MLXIPL: variants seen among roughly 807,000 people sequenced by gnomAD.
The protein encoded by MLXIPL is MLX interacting protein like.
A neutral mutation model predicts 81.5 loss-of-function variants in MLXIPL; 49 were observed. The observed-to-expected ratio is 0.60, with a 90% CI of 0.48 to 0.76. The LOEUF (loss-of-function observed/expected upper bound fraction) is 0.76. MLXIPL is among the 30% of genes least tolerant of loss of function. The probability of loss-of-function intolerance (pLI) is 0.00; values close to 1 mark genes in which losing one functional copy is unlikely to be tolerated. For synonymous variants in MLXIPL, 466 were observed against 485.5 expected (o/e 0.96, Z 0.53); for missense variants, 1,053 against 1,167.0 (o/e 0.90, Z 1.42).
At chr7:73,595,000 C>A (rs543760930) in intron 15 of MLXIPL, among the ~76,000 whole-genome samples, 1 of 152,224 alleles carries the variant, frequency 6.6e-6, no homozygotes, top group East Asian at 1.9e-4. Context: ...CACATGCCAC[C>A]ACGCTTGGCT....
chr7:73,596,670 T>C lies in MLXIPL; in HGVS notation c.1791A>G (p.Lys597=), dbSNP rs782530027. ...GCGCTGGGGGTGAGAGCCGCTCCGC[T>C]TTGGGGACAAGCAGGGGCCTGGAAG... ...LAPSRPLLVP[K]AERLSPPAPS... Residue 597 remains lysine, a synonymous_variant, in exon 11 of 17, where the codon AAA becomes AAG. Transcript: ENST00000313375. The surrounding 1 kb of genome is among the most constrained non-coding windows in gnomAD (Gnocchi z 4.7). 3.8e-6 allele frequency: 6 copies of C among 1,590,552 alleles called. No individual in the cohort carries two copies. In the East Asian group the frequency reaches 1.3e-4, roughly 36 times the overall value.
intron 2 of MLXIPL, among the ~76,000 whole-genome samples, chr7:73,612,458 T>C (rs1452219851): frequency 2.0e-5 from 3 of 151,882 alleles, no homozygotes; most frequent in Non-Finnish European, 2.9e-5. Context: ...CTGACCAACA[T>C]GGAGAAACCC....
upstream of MLXIPL, among the ~76,000 whole-genome samples, chr7:73,629,194 C>T (rs782216238): frequency 2.6e-5 from 4 of 152,056 alleles, no homozygotes; most frequent in Non-Finnish European, 5.9e-5. Context: ...AAGGGTGCAC[C>T]ACCACGCCTG....
At chr7:73,632,794 C>CCTTT in the MLXIPL span, among the ~76,000 whole-genome samples, 1 of 149,124 alleles carries the variant, frequency 6.7e-6, no homozygotes, top group African/African-American at 2.5e-5. Context: ...TTCCTTCCTT[C>CCTTT]CTTCCGACGG....
intron 2 of MLXIPL, among the ~76,000 whole-genome samples, chr7:73,613,120 C>G (rs7808877): frequency 0.27 from 41,742 of 151,996 alleles, 6,018 homozygotes; most frequent in African/African-American, 0.35. Flanking sequence ...GCCCTAAGGC[C>G]CGACATTAGT....
At chr7:73,599,832 C>G (rs572396759) in intron 7 of MLXIPL, 137 bp from the exon 8 acceptor site, 2 of 785,320 alleles carry the variant, frequency 2.5e-6, no homozygotes, top group African/African-American at 3.5e-5. Context: ...GGGGTCCCTT[C>G]CACAGAAGAT....
At chr7:73,600,156 G>A (rs1257168218) in intron 7 of MLXIPL, among the ~76,000 whole-genome samples, 17 of 151,694 alleles carry the variant, frequency 1.1e-4, no homozygotes, top group Non-Finnish European at 2.1e-4. Context: ...TCAAGAGGGT[G>A]AGTTGGAGAT....
At chr7:73,624,176 G>C (rs1292656720) in intron 1 of MLXIPL, 24 bp downstream of exon 1, 8 of 1,142,796 alleles carry the variant, frequency 7.0e-6, no homozygotes, top group Non-Finnish European at 9.4e-6. Flanking sequence ...AGCCAAGGCC[G>C]TCAGGGCCCG....
At chr7:73,617,092 C>T (rs1796050583) in intron 1 of MLXIPL, among the ~76,000 whole-genome samples, 2 of 152,012 alleles carry the variant, frequency 1.3e-5, no homozygotes, top group Non-Finnish European at 2.9e-5. Flanking sequence ...CTCAGCTCAC[C>T]ACAACCTCCA....
chr7:73,639,235 A>T, the MLXIPL span, among the ~76,000 whole-genome samples: 1 of 152,228 alleles, frequency 6.6e-6, no homozygotes, highest in African/African-American at 2.4e-5. Flanking sequence ...CCATTTTCCT[A>T]ATCTGTGGAT....
At chr7:73,612,369 G>A (rs539092793) in intron 2 of MLXIPL, among the ~76,000 whole-genome samples, 5 of 151,970 alleles carry the variant, frequency 3.3e-5, no homozygotes, top group South Asian at 4.2e-4. Context: ...GGCCAGGCGC[G>A]GTGGCTCACG....
chr7:73,603,942 G>A (rs1311618599), intron 7 of MLXIPL, among the ~76,000 whole-genome samples: 3 of 152,144 alleles, frequency 2.0e-5, no homozygotes, highest in African/African-American at 4.8e-5. Context: ...TAGGCCAGAC[G>A]CGGTAGCTCA....
At chr7:73,606,147 C>T in intron 5 of MLXIPL, 36 bp from the exon 6 acceptor site, 1 of 1,549,592 alleles carries the variant, frequency 6.5e-7, no homozygotes, top group East Asian at 2.4e-5. Context: ...CGCTAGAGAG[C>T]TCCCACTGCC....
upstream of MLXIPL, chr7:73,624,646 T>A (rs1482021735): frequency 3.0e-6 from 4 of 1,329,976 alleles, no homozygotes; most frequent in Non-Finnish European, 3.9e-6. Flanking sequence ...ATTAGCATAA[T>A]CCTTACGCCA....
At chr7:73,602,287 G>T (rs1794940764) in intron 7 of MLXIPL, among the ~76,000 whole-genome samples, 1 of 149,482 alleles carries the variant, frequency 6.7e-6, no homozygotes, top group Non-Finnish European at 1.5e-5. Flanking sequence ...CACGATCTCG[G>T]CTCACTGCAG....
At chr7:73,605,664 G>T (rs771546123) in intron 7 of MLXIPL, 24 bp downstream of exon 7, 47 of 1,612,150 alleles carry the variant, frequency 2.9e-5, no homozygotes, top group Non-Finnish European at 3.6e-5. Context: ...CCGTCCACCC[G>T]ACCTGGGGAG....
At chr7:73,645,406 TG>T in the MLXIPL span, among the ~76,000 whole-genome samples, 3 of 151,454 alleles carry the variant, frequency 2.0e-5, no homozygotes, top group Non-Finnish European at 4.4e-5. Flanking sequence ...CTTCCCTTGT[TG>T]GGGGCCCCCT....
Position 73,607,918 on chromosome 7 carries a change from G to A in MLXIPL, c.401-246C>T, listed in dbSNP as rs556117908. On this transcript the variant is annotated intron_variant, in intron 2 of 16. Transcript: ENST00000313375. ...GTTGCCCAGGCTGGAGTGCAATGGCGTGATCTTGGCTCACTGCAACCTCCA... is the reference window on the plus strand; with the variant it reads ...GTTGCCCAGGCTGGAGTGCAATGGCATGATCTTGGCTCACTGCAACCTCCA... Among the ~76,000 whole-genome samples, 8 of 145,562 alleles carry A rather than the reference G, an allele frequency of 5.5e-5. No homozygotes were observed. In the East Asian group the frequency reaches 8.0e-4, roughly 15 times the overall value.
At chr7:73,617,573 G>C (rs868921520) in intron 1 of MLXIPL, among the ~76,000 whole-genome samples, 3 of 152,078 alleles carry the variant, frequency 2.0e-5, no homozygotes, top group Non-Finnish European at 2.9e-5. Flanking sequence ...GGCTGGGCGC[G>C]GTAGCTCACG....
Sources: allele counts gnomAD v4.1 joint callset (sites outside exome capture counted in the v4.1 genomes callset), GRCh38; gene constraint gnomAD v4.1.1; non-coding constraint Gnocchi (gnomAD v3.1); transcripts MANE v1.5; gene names NCBI Gene and HGNC (gene_info 2026-07-23, HGNC 2026-07-21).